GRIP1: variants seen among roughly 807,000 people sequenced by gnomAD.
The protein encoded by GRIP1 is glutamate receptor-interacting protein 1.
GRIP1 carries 45 observed loss-of-function variants against 129.9 expected under a neutral mutation model. The observed-to-expected ratio is 0.35, with a 90% CI of 0.27 to 0.44. The LOEUF (loss-of-function observed/expected upper bound fraction) is 0.44. Ranked by LOEUF, GRIP1 falls within the 20% of genes least tolerant of loss-of-function variation. The pLI is 1.00. For missense variants in GRIP1, 1,196 were observed against 1,396.8 expected, an observed-to-expected ratio of 0.86 and a Z score of 2.29; for synonymous variants, 530 against 520.8, an observed-to-expected ratio of 1.02 and a Z score of -0.24.
intron 1 of GRIP1, among the ~76,000 whole-genome samples, chr12:66,859,374 A>G: frequency 6.7e-6 from 1 of 150,080 alleles, no homozygotes; most frequent in East Asian, 2.0e-4. Context: ...ATGGTCCATA[A>G]GTTCCTCACA....
At chr12:66,431,714 T>C (rs1028666474) in intron 14 of GRIP1, among the ~76,000 whole-genome samples, 4 of 152,220 alleles carry the variant, frequency 2.6e-5, no homozygotes, top group African/African-American at 7.2e-5. Flanking sequence ...TAACATTTGC[T>C]TCATTTTCTT....
At chr12:66,377,645 T>A (rs2055871189) in intron 20 of GRIP1, among the ~76,000 whole-genome samples, 1 of 150,420 alleles carries the variant, frequency 6.6e-6, no homozygotes, top group Non-Finnish European at 1.5e-5. Context: ...GGCCTTTTTT[T>A]TTTTTTTTTT....
chr12:66,934,906 TC>T (rs1231034168), intron 1 of GRIP1, among the ~76,000 whole-genome samples: 2 of 152,286 alleles, frequency 1.3e-5, no homozygotes, highest in Non-Finnish European at 2.9e-5. Flanking sequence ...TCTTCCTTCT[TC>T]TATGAGGTAA....
chr12:66,415,518 C>A (rs964521309), intron 15 of GRIP1, among the ~76,000 whole-genome samples: 5 of 152,058 alleles, frequency 3.3e-5, no homozygotes, highest in Admixed American at 2.6e-4. Context: ...GTGGCGATTC[C>A]TCAAAGATAT....
chr12:66,498,392 T>C (rs535547892), intron 7 of GRIP1, among the ~76,000 whole-genome samples: 2 of 152,218 alleles, frequency 1.3e-5, no homozygotes, highest in Non-Finnish European at 2.9e-5. Flanking sequence ...AATTATCATA[T>C]AAACGTTGTG....
intron 1 of GRIP1, among the ~76,000 whole-genome samples, chr12:66,852,553 T>C (rs1488113724): frequency 6.6e-6 from 1 of 151,352 alleles, no homozygotes; most frequent in Non-Finnish European, 1.5e-5. Context: ...TATATGTATA[T>C]GTATATATGT....
rs12313486 is a variant in GRIP1 at position 66,508,229 on chromosome 12, C to A, written c.724+7390G>T. ...GATGTTCTGCTACATTCTACACATA[C>A]CGCTTAATGATGATGATTCATAAGA... On this transcript the variant is annotated intron_variant, in intron 7 of 24. Coordinates refer to ENST00000359742, the MANE Select transcript of GRIP1 (RefSeq NM_001366722.1). 5.9e-3 allele frequency among the ~76,000 whole-genome samples: 903 copies of A among 152,274 alleles called. 6 individuals are homozygous for A. The highest frequency in any genetic ancestry group is 0.02 in the African/African-American group (830 of 41,544).
At chr12:66,524,698 T>C (rs554933024) in intron 5 of GRIP1, among the ~76,000 whole-genome samples, 2 of 152,024 alleles carry the variant, frequency 1.3e-5, no homozygotes, top group Admixed American at 6.5e-5. Context: ...CTGACGGAAA[T>C]AGAGACACAA....
At position 66,377,204 on chromosome 12, in the gene GRIP1, G is replaced by A. The variant is rs369702702; in HGVS notation, c.2703C>T (p.Cys901=). 14 of 1,611,984 alleles carry A rather than the reference G, an allele frequency of 8.7e-6. No individual in the cohort carries two copies. Among genetic ancestry groups the A allele is most frequent in the East Asian group, 2.2e-5 (1 of 44,890 alleles). ...WSQALEDLET[C]GQSGILRELE... ...GTTCTCTCAGAATTCCTGACTGTCC[G>A]CAGGTTTCCAAATCCTCCAGCGCTT... is the stretch of plus-strand genomic sequence containing the variant. Residue 901 remains cysteine (C), a synonymous_variant, in exon 21 of 25, where the codon TGC becomes TGT. Coordinates refer to ENST00000359742, the MANE Select transcript of GRIP1 (RefSeq NM_001366722.1).
intron 24 of GRIP1, among the ~76,000 whole-genome samples, chr12:66,351,697 G>A (rs144791604): frequency 1.1e-3 from 164 of 152,134 alleles, no homozygotes; most frequent in Non-Finnish European, 1.9e-3. Flanking sequence ...TTCGATATAG[G>A]AGGGGCCCCT....
chr12:66,458,934 G>A (rs896992353), intron 9 of GRIP1, among the ~76,000 whole-genome samples: 1 of 152,186 alleles, frequency 6.6e-6, no homozygotes, highest in Non-Finnish European at 1.5e-5. Flanking sequence ...AGAAGTTGTT[G>A]CTGATCTCCC....
At chr12:66,526,554 T>G (rs1350607693) in intron 5 of GRIP1, among the ~76,000 whole-genome samples, 1 of 152,134 alleles carries the variant, frequency 6.6e-6, no homozygotes, top group East Asian at 1.9e-4. Flanking sequence ...ACTTAAATGT[T>G]AGACCTAAAA....
At chr12:67,012,497 G>A (rs559614840) in intron 1 of GRIP1, among the ~76,000 whole-genome samples, 1 of 152,218 alleles carries the variant, frequency 6.6e-6, no homozygotes, top group Non-Finnish European at 1.5e-5. Context: ...AGGTTTCTAA[G>A]CCATCACTTA....
intron 1 of GRIP1, among the ~76,000 whole-genome samples, chr12:66,883,467 A>G (rs1379568195): frequency 6.6e-6 from 1 of 152,184 alleles, no homozygotes; most frequent in Non-Finnish European, 1.5e-5. Flanking sequence ...TACAGCCCTG[A>G]CCATGTTTAC....
chr12:66,866,310 T>A (rs985833747), intron 1 of GRIP1, among the ~76,000 whole-genome samples: 1 of 151,820 alleles, frequency 6.6e-6, no homozygotes, highest in African/African-American at 2.4e-5. Flanking sequence ...CTTAAAAAAA[T>A]AAAAAATAAA....
At chr12:66,996,980 C>T (rs893994798) in intron 1 of GRIP1, among the ~76,000 whole-genome samples, 2 of 152,090 alleles carry the variant, frequency 1.3e-5, no homozygotes, top group Admixed American at 1.3e-4. Flanking sequence ...CACACAGCAT[C>T]GAGCTGAAGA....
chr12:67,018,572 G>T (rs150269993), intron 1 of GRIP1, among the ~76,000 whole-genome samples: 1 of 152,126 alleles, frequency 6.6e-6, no homozygotes, highest in African/African-American at 2.4e-5. Flanking sequence ...ATGGGTTCAA[G>T]AAAAGTTAAG....
At chr12:66,984,426 T>C (rs776252855) in intron 1 of GRIP1, among the ~76,000 whole-genome samples, 1 of 152,182 alleles carries the variant, frequency 6.6e-6, no homozygotes, top group African/African-American at 2.4e-5. Context: ...AATCTTTAGA[T>C]TGTCTTCATA....
chr12:66,499,914 G>A (rs2060342798), intron 7 of GRIP1, among the ~76,000 whole-genome samples: 1 of 152,148 alleles, frequency 6.6e-6, no homozygotes, highest in Admixed American at 6.5e-5. Flanking sequence ...GGAGGCTGAG[G>A]TGGGAGGATA....
Sources: gnomAD v4.1 joint callset for allele counts (sites outside exome capture counted in the v4.1 genomes callset) on GRCh38, gnomAD v4.1.1 for gene constraint, MANE v1.5 for transcripts, NCBI Gene and HGNC (gene_info 2026-07-23, HGNC 2026-07-21) for gene names.